The following CHCHD6 variants were observed in gnomAD, a reference collection of about 807,000 sequenced individuals.
CHCHD6 encodes coiled-coil-helix-coiled-coil-helix domain containing 6, also known as MICOS complex subunit MIC25.
A neutral mutation model predicts 32.3 loss-of-function variants in CHCHD6; 28 were observed. The observed-to-expected ratio is 0.87, with a 90% confidence interval of 0.64 to 1.19. The LOEUF is 1.19. Among genes scored for constraint, CHCHD6 ranks in the 50% most tolerant of loss-of-function variants. The pLI, the probability that CHCHD6 is intolerant of heterozygous loss-of-function variation, is 0.00. For synonymous variants in CHCHD6, 122 were observed against 117.5 expected, an observed-to-expected ratio of 1.04 and a Z score of -0.25; for missense variants, 333 against 307.0, an observed-to-expected ratio of 1.08 and a Z score of -0.63.
At chr3:126,928,827 C>T (rs760350344) in intron 6 of CHCHD6, among the ~76,000 whole-genome samples, 1 of 152,154 alleles carries the variant, frequency 6.6e-6, no homozygotes, top group Non-Finnish European at 1.5e-5. Flanking sequence ...CTGCAGGCCC[C>T]GTAGCTGGAT....
chr3:126,750,464 A>G (rs1936680806), intron 4 of CHCHD6, among the ~76,000 whole-genome samples: 1 of 152,238 alleles, frequency 6.6e-6, no homozygotes, highest in South Asian at 2.1e-4. Context: ...AGTGTTTTCT[A>G]CCAGATCAGA....
intron 5 of CHCHD6, among the ~76,000 whole-genome samples, chr3:126,877,428 G>A (rs1188979706): frequency 4.6e-5 from 7 of 151,962 alleles, no homozygotes; most frequent in Non-Finnish European, 8.8e-5. Context: ...GGTTGTAGGC[G>A]CCTGTAGTCG....
In CHCHD6 at chr3:126,828,765, T is replaced by C. The variant is rs542221652; in HGVS notation, c.412-23882T>C. Among the ~76,000 whole-genome samples the C allele has an allele frequency of 9.8e-5, 15 of 152,300 alleles. No individual in the cohort carries two copies. The East Asian group carries it at 2.9e-3, about 29-fold the overall frequency. Reference sequence around the variant, plus strand: ...TCTACCTGCCTTTCAGGAGAGGCCCTCCTCAAAGTCATCTTAGCAGCTCTG... The same window carrying C: ...TCTACCTGCCTTTCAGGAGAGGCCCCCCTCAAAGTCATCTTAGCAGCTCTG... On this transcript the variant is annotated intron_variant, in intron 4 of 7. Transcript: ENST00000290913.
intron 6 of CHCHD6, among the ~76,000 whole-genome samples, chr3:126,950,764 A>G (rs942086856): frequency 6.6e-6 from 1 of 151,730 alleles, no homozygotes; most frequent in Non-Finnish European, 1.5e-5. Flanking sequence ...CAGGATTTTC[A>G]TGGATGGGAA....
At chr3:126,739,637 G>C (rs1276440710) in intron 4 of CHCHD6, among the ~76,000 whole-genome samples, 1 of 152,218 alleles carries the variant, frequency 6.6e-6, no homozygotes, top group Non-Finnish European at 1.5e-5. Flanking sequence ...TATGTAAAAT[G>C]AGGATTTTTC....
At chr3:126,914,558 C>A (rs1188634670) in intron 5 of CHCHD6, 122 bp from the exon 6 acceptor site, 2 of 695,514 alleles carry the variant, frequency 2.9e-6, no homozygotes, top group Admixed American at 2.1e-5. Flanking sequence ...GGATTAATTA[C>A]CAGTCGGCTT....
chr3:126,876,702 A>C (rs2077543577), intron 5 of CHCHD6, among the ~76,000 whole-genome samples: 3 of 152,234 alleles, frequency 2.0e-5, no homozygotes, highest in African/African-American at 7.2e-5. Context: ...GAATGTGTGA[A>C]TGTCGCATCA....
intron 5 of CHCHD6, among the ~76,000 whole-genome samples, chr3:126,890,832 A>G (rs73207603): frequency 0.025 from 3,859 of 152,286 alleles, 62 homozygotes; most frequent in Middle Eastern, 0.061. Context: ...CCTCAGGACT[A>G]TGGCCCTTCC....
At chr3:126,863,383 A>T (rs1351230232) in intron 5 of CHCHD6, among the ~76,000 whole-genome samples, 1 of 96,026 alleles carries the variant, frequency 1.0e-5, no homozygotes, top group Non-Finnish European at 2.1e-5. Context: ...CTCCTCCTCT[A>T]CCATCACCAC....
At chr3:126,774,684 A>C (rs573199378) in intron 4 of CHCHD6, among the ~76,000 whole-genome samples, 1 of 152,238 alleles carries the variant, frequency 6.6e-6, no homozygotes, top group East Asian at 1.9e-4. Flanking sequence ...CTGGCAGGGA[A>C]GGTGGGTTGA....
At chr3:126,934,248 T>A (rs544087053) in intron 6 of CHCHD6, among the ~76,000 whole-genome samples, 8 of 152,236 alleles carry the variant, frequency 5.3e-5, no homozygotes, top group Non-Finnish European at 8.8e-5. Context: ...TCTGGGTTCT[T>A]TGAATTTCAC....
At chr3:126,762,720 C>T (rs1033306051) in intron 4 of CHCHD6, among the ~76,000 whole-genome samples, 4 of 152,152 alleles carry the variant, frequency 2.6e-5, no homozygotes, top group South Asian at 2.1e-4. Flanking sequence ...ATTTTATGAA[C>T]GTTTGCTTCC....
chr3:126,853,083 G>A (rs1941532984), intron 5 of CHCHD6, among the ~76,000 whole-genome samples: 1 of 151,896 alleles, frequency 6.6e-6, no homozygotes, highest in African/African-American at 2.4e-5. Flanking sequence ...AGCTGCATTT[G>A]GTAAAAATAA....
intron 4 of CHCHD6, among the ~76,000 whole-genome samples, chr3:126,749,834 C>T (rs1936655557): frequency 6.6e-6 from 1 of 152,176 alleles, no homozygotes; most frequent in Non-Finnish European, 1.5e-5. Flanking sequence ...CTGCTAGTGA[C>T]AGGTTGTTTA....
At chr3:126,839,081 G>T (rs1940971297) in intron 4 of CHCHD6, among the ~76,000 whole-genome samples, 1 of 151,884 alleles carries the variant, frequency 6.6e-6, no homozygotes, top group Non-Finnish European at 1.5e-5. Context: ...GTAGAGATAA[G>T]GTCTCACTAC....
chr3:126,741,580 T>C (rs1936289764), intron 4 of CHCHD6, among the ~76,000 whole-genome samples: 1 of 152,218 alleles, frequency 6.6e-6, no homozygotes, highest in Admixed American at 6.5e-5. Context: ...TTCATCTCAC[T>C]GCCTGACTTC....
chr3:126,951,345 T>C (rs1372586267), intron 6 of CHCHD6, among the ~76,000 whole-genome samples: 1 of 152,096 alleles, frequency 6.6e-6, no homozygotes, highest in Non-Finnish European at 1.5e-5. Context: ...AACAGACTAA[T>C]ACAAAAAAAT....
At chr3:126,809,042 G>A (rs1359633071) in intron 4 of CHCHD6, among the ~76,000 whole-genome samples, 4 of 151,782 alleles carry the variant, frequency 2.6e-5, no homozygotes, top group South Asian at 4.2e-4. Flanking sequence ...CGTGATCTCA[G>A]CTCACTGCAG....
intron 4 of CHCHD6, among the ~76,000 whole-genome samples, chr3:126,832,064 T>C (rs1940668446): frequency 6.6e-6 from 1 of 152,160 alleles, no homozygotes; most frequent in African/African-American, 2.4e-5. Flanking sequence ...ATTATTCAGC[T>C]CTTATGAGGT....
Sources: gnomAD v4.1 joint callset for allele counts (sites outside exome capture counted in the v4.1 genomes callset) on GRCh38, gnomAD v4.1.1 for gene constraint, MANE v1.5 for transcripts, NCBI Gene and HGNC (gene_info 2026-07-23, HGNC 2026-07-21) for gene names.